SOX6: variants seen among roughly 807,000 people sequenced by gnomAD.
SOX6 encodes the protein SRY-box transcription factor 6, also known as transcription factor SOX-6.
In SOX6, 11 loss-of-function variants were observed where a neutral mutation model predicts 97.8. The ratio of observed to expected loss-of-function variants is 0.11; its 90% CI spans 0.07 to 0.19. The LOEUF (loss-of-function observed/expected upper bound fraction) is 0.19, where lower values mean the gene tolerates loss of function less well. Ranked by LOEUF, SOX6 falls within the 10% of genes least tolerant of loss-of-function variation. The pLI, the probability that SOX6 is intolerant of heterozygous loss-of-function variation, is 1.00. For missense variants in SOX6, 810 were observed against 1,039.5 expected (o/e 0.78, Z 3.04); for synonymous variants, 360 against 371.4 (o/e 0.97, Z 0.35).
At chr11:16,001,420 A>G (rs1038893015) in intron 13 of SOX6, among the ~76,000 whole-genome samples, 23 of 152,206 alleles carry the variant, frequency 1.5e-4, no homozygotes, top group Non-Finnish European at 3.1e-4. Context: ...ACTCAGAGAC[A>G]TGATAGCACC....
intron 3 of SOX6, 122 bp from the exon 4 acceptor site, chr11:16,234,793 C>A: frequency 1.9e-6 from 1 of 527,444 alleles, no homozygotes. Context: ...AGCTTGAACC[C>A]CAGGATATAG....
intron 1 of SOX6, among the ~76,000 whole-genome samples, chr11:16,343,510 T>C (rs920332388): frequency 6.6e-6 from 1 of 151,822 alleles, no homozygotes; most frequent in African/African-American, 2.4e-5. Context: ...CAGTGAACAA[T>C]AGTGCACAAT....
chr11:16,177,306 G>C (rs1314956805), intron 6 of SOX6, among the ~76,000 whole-genome samples: 1 of 151,924 alleles, frequency 6.6e-6, no homozygotes, highest in Admixed American at 6.6e-5. Context: ...TGCTGGCAGG[G>C]TAGAGGGGGA....
At chr11:16,032,407 G>T (rs894622759) in intron 12 of SOX6, among the ~76,000 whole-genome samples, 8 of 152,060 alleles carry the variant, frequency 5.3e-5, no homozygotes, top group African/African-American at 1.9e-4. Context: ...AAATTCATCA[G>T]TCACAAATGC....
intron 4 of SOX6, among the ~76,000 whole-genome samples, chr11:16,197,161 G>T (rs1487491345): frequency 1.3e-5 from 2 of 151,790 alleles, no homozygotes; most frequent in Non-Finnish European, 2.9e-5. Flanking sequence ...GCCCCATTTT[G>T]GCTCCTCTAC....
chr11:16,377,099 G>A (rs981363136), intron 1 of SOX6, among the ~76,000 whole-genome samples: 1 of 151,646 alleles, frequency 6.6e-6, no homozygotes, highest in East Asian at 1.9e-4. Context: ...CCAACAAGGA[G>A]GATTTCAATT....
chr11:16,159,247 C>T (rs1850679552), intron 6 of SOX6, among the ~76,000 whole-genome samples: 1 of 152,078 alleles, frequency 6.6e-6, no homozygotes. Context: ...CCTATCCCCT[C>T]CTCTAACTTA....
At chr11:16,072,055 T>G (rs1375378166) in intron 9 of SOX6, among the ~76,000 whole-genome samples, 1 of 152,128 alleles carries the variant, frequency 6.6e-6, no homozygotes. Flanking sequence ...ATGACCACAC[T>G]AGTACCCCAG....
chr11:16,472,757 A>G (rs931408889), intron 1 of SOX6, among the ~76,000 whole-genome samples: 84 of 152,240 alleles, frequency 5.5e-4, no homozygotes, highest in African/African-American at 2.0e-3. Context: ...TAAATTTTCA[A>G]TAGCTCTGCT....
chr11:16,638,834 A>G (rs1432906430), intron 3 of SOX6, among the ~76,000 whole-genome samples: 4 of 152,088 alleles, frequency 2.6e-5, no homozygotes, highest in Non-Finnish European at 5.9e-5. Context: ...TTGTCAGATG[A>G]GTAGATTGCA....
At chr11:16,577,511 T>G (rs1847994701) in intron 4 of SOX6, among the ~76,000 whole-genome samples, 1 of 152,198 alleles carries the variant, frequency 6.6e-6, no homozygotes, top group African/African-American at 2.4e-5. Context: ...CTAAAGTGGC[T>G]GCACCATTTT....
intron 2 of SOX6, among the ~76,000 whole-genome samples, chr11:16,728,548 G>A (rs943800054): frequency 1.1e-4 from 17 of 152,272 alleles, no homozygotes; most frequent in African/African-American, 2.4e-4. Flanking sequence ...CAACGGAAAC[G>A]ACGTCCACAC....
intron 9 of SOX6, among the ~76,000 whole-genome samples, chr11:16,075,513 G>C (rs1036214567): frequency 6.6e-6 from 1 of 152,190 alleles, no homozygotes; most frequent in Non-Finnish European, 1.5e-5. Context: ...GCAGGGACAT[G>C]GATGAAGCTG....
chr11:16,384,260 T>C (rs1285966489), intron 1 of SOX6, among the ~76,000 whole-genome samples: 1 of 151,826 alleles, frequency 6.6e-6, no homozygotes, highest in Non-Finnish European at 1.5e-5. Flanking sequence ...GTAAAAATAA[T>C]GTTGGCACTT....
intron 13 of SOX6, among the ~76,000 whole-genome samples, chr11:16,006,068 T>C (rs1854545212): frequency 6.6e-6 from 1 of 152,022 alleles, no homozygotes; most frequent in Non-Finnish European, 1.5e-5. Context: ...CTTACTTGCA[T>C]CCAGGAGGAG....
chr11:16,004,517 T>C (rs1244934332), intron 13 of SOX6, among the ~76,000 whole-genome samples: 2 of 151,968 alleles, frequency 1.3e-5, no homozygotes, highest in Non-Finnish European at 2.9e-5. Context: ...AGGTTAGGGT[T>C]GAGGAATGAA....
intron 4 of SOX6, among the ~76,000 whole-genome samples, chr11:16,534,035 A>G (rs555509274): frequency 9.8e-5 from 15 of 152,290 alleles, no homozygotes; most frequent in Non-Finnish European, 1.9e-4. Flanking sequence ...TAAATGTATC[A>G]AATCAGAATC....
chr11:16,318,102 C>A, intron 3 of SOX6: 2 of 385,390 alleles, frequency 5.2e-6, no homozygotes, highest in Non-Finnish European at 5.0e-6. Flanking sequence ...GAAATACTAT[C>A]CACCAAAAGG....
chr11:16,259,930 T>A (rs757259263), intron 3 of SOX6, among the ~76,000 whole-genome samples: 3 of 146,418 alleles, frequency 2.0e-5, no homozygotes, highest in Non-Finnish European at 4.5e-5. Flanking sequence ...CATGTTATAC[T>A]TCAATGTCCC....
Sources: allele counts gnomAD v4.1 joint callset (sites outside exome capture counted in the v4.1 genomes callset), GRCh38; gene constraint gnomAD v4.1.1; transcripts MANE v1.5; gene names NCBI Gene and HGNC (gene_info 2026-07-23, HGNC 2026-07-21).